CACNA1E: variants seen among roughly 807,000 people sequenced by gnomAD.
CACNA1E encodes the protein voltage-dependent R-type calcium channel subunit alpha-1E.
CACNA1E carries 40 observed loss-of-function variants against 259.2 expected under a neutral mutation model. That is an observed-to-expected ratio of 0.15 (90% CI 0.12 to 0.20). CACNA1E has a LOEUF of 0.20. CACNA1E is among the 10% of genes least tolerant of loss of function. CACNA1E has a pLI of 1.00. For synonymous variants in CACNA1E, 1,104 were observed against 1,138.5 expected, an observed-to-expected ratio of 0.97 and a Z score of 0.61; for missense variants, 1,874 against 3,040.1, an observed-to-expected ratio of 0.62 and a Z score of 9.02.
intron 7 of CACNA1E, among the ~76,000 whole-genome samples, chr1:181,696,910 A>T (rs1455585991): frequency 6.6e-6 from 1 of 152,224 alleles, no homozygotes; most frequent in African/African-American, 2.4e-5. Flanking sequence ...CATTTCTAGT[A>T]ATTACTGTTT....
chr1:181,551,278 GA>G (rs1648117187), intron 3 of CACNA1E, among the ~76,000 whole-genome samples: 1 of 152,168 alleles, frequency 6.6e-6, no homozygotes, highest in South Asian at 2.1e-4. Flanking sequence ...GAAATTGCAG[GA>G]AAAACTGGGC....
chr1:181,507,736 A>AC (rs1665828878), intron 1 of CACNA1E, among the ~76,000 whole-genome samples: 1 of 152,068 alleles, frequency 6.6e-6, no homozygotes, highest in Admixed American at 6.5e-5. Flanking sequence ...ACAATCATAG[A>AC]CCCCACATAG....
At chr1:181,664,151 A>G (rs1647966594) in intron 7 of CACNA1E, among the ~76,000 whole-genome samples, 1 of 152,230 alleles carries the variant, frequency 6.6e-6, no homozygotes, top group African/African-American at 2.4e-5. Context: ...GGCAAGTGAC[A>G]TGCCCTAAAT....
In CACNA1E at chr1:181,577,182, A is replaced by T. The variant is rs548878775; in HGVS notation, c.513-584A>T. Among the ~76,000 whole-genome samples the T allele has an allele frequency of 3.9e-5, 6 of 152,344 alleles. No individual in the cohort carries two copies. The South Asian group carries it at 1.2e-3, about 32-fold the overall frequency. On this transcript the variant is annotated intron_variant, in intron 3 of 47. Transcript: ENST00000367573. ...AACATGGAAAAATAGGAAGAAATCC[A>T]ATTAGGGTCAAAGAGTGGTTTGTGC...
At chr1:181,592,734 C>A (rs907291640) in intron 6 of CACNA1E, among the ~76,000 whole-genome samples, 1 of 152,026 alleles carries the variant, frequency 6.6e-6, no homozygotes, top group Non-Finnish European at 1.5e-5. Context: ...GATGCTTGAC[C>A]AAGGACAGCC....
chr1:181,404,563 CAG>C (rs1657332681), intron 1 of CACNA1E, among the ~76,000 whole-genome samples: 1 of 152,162 alleles, frequency 6.6e-6, no homozygotes, highest in African/African-American at 2.4e-5. Context: ...AAACAGAAGT[CAG>C]AGGGCACAGA....
chr1:181,345,635 C>T (rs1272881548), intron 1 of CACNA1E, among the ~76,000 whole-genome samples: 1 of 152,190 alleles, frequency 6.6e-6, no homozygotes, highest in African/African-American at 2.4e-5. Context: ...CAAGTTTGGG[C>T]TTCTCAGTGG....
At chr1:181,790,592 C>T in intron 44 of CACNA1E, 36 bp downstream of exon 44, 6 of 1,214,022 alleles carry the variant, frequency 4.9e-6, no homozygotes, top group Non-Finnish European at 7.4e-6. Context: ...AAAACTACTT[C>T]CTTGGTTTCC....
chr1:181,733,531 G>A lies in CACNA1E; in HGVS notation c.3043G>A (p.Val1015Met), dbSNP rs752933331. 3 of 1,611,794 alleles carry A rather than the reference G, an allele frequency of 1.9e-6. No homozygotes were observed. The change falls in exon 21 of 48, where the codon GTG becomes ATG. Residue 1015 changes from valine to methionine, a missense_variant. Physicochemically the swap from Val to Met is conservative, Grantham distance 21 (BLOSUM62 1). Coordinates refer to ENST00000367573, the MANE Select transcript of CACNA1E (RefSeq NM_001205293.3). ...PLVLPHPELE[V>M]GKHVVLTEQE... ...AGTCCTGCCCCATCCTGAGCTGGAA[G>A]TGGGGAAGCACGTGGTGCTGACGGA...
chr1:181,325,209 T>A (rs889761223), intron 1 of CACNA1E, among the ~76,000 whole-genome samples: 2 of 152,186 alleles, frequency 1.3e-5, no homozygotes, highest in Non-Finnish European at 2.9e-5. Context: ...TGTGAATCAC[T>A]CAACTTCTAG....
At chr1:181,684,424 G>T (rs1277159264) in intron 7 of CACNA1E, among the ~76,000 whole-genome samples, 1 of 152,092 alleles carries the variant, frequency 6.6e-6, no homozygotes, top group Non-Finnish European at 1.5e-5. Context: ...CCACTCTGTA[G>T]GTTGTCTGTT....
At chr1:181,689,865 C>T (rs1486535322) in intron 7 of CACNA1E, among the ~76,000 whole-genome samples, 2 of 151,780 alleles carry the variant, frequency 1.3e-5, no homozygotes, top group East Asian at 1.9e-4. Context: ...TTTGTAGATT[C>T]TGGATATTAG....
chr1:181,330,767 G>T (rs958109778), intron 1 of CACNA1E, among the ~76,000 whole-genome samples: 4 of 152,190 alleles, frequency 2.6e-5, no homozygotes, highest in Admixed American at 6.5e-5. Flanking sequence ...CTGGGTCCTA[G>T]CTCTCCCAAT....
intron 1 of CACNA1E, among the ~76,000 whole-genome samples, chr1:181,338,478 A>T (rs2102623669): frequency 6.8e-6 from 1 of 148,008 alleles, no homozygotes; most frequent in South Asian, 2.1e-4. Context: ...TTCTTTGGAA[A>T]AATGTCTATT....
chr1:181,427,413 C>G (rs1659369974), intron 2 of CACNA1E, among the ~76,000 whole-genome samples: 1 of 148,666 alleles, frequency 6.7e-6, no homozygotes, highest in African/African-American at 2.5e-5. Flanking sequence ...CATCTCAACC[C>G]CCTCCACCTC....
At chr1:181,689,806 G>A (rs1281739783) in intron 7 of CACNA1E, among the ~76,000 whole-genome samples, 1 of 151,788 alleles carries the variant, frequency 6.6e-6, no homozygotes, top group African/African-American at 2.4e-5. Flanking sequence ...ATATCCTTTG[G>A]TCATTTTTTT....
chr1:181,733,351 C>T, intron 20 of CACNA1E, 86 bp from the exon 21 acceptor site: 1 of 1,226,364 alleles, frequency 8.2e-7, no homozygotes, highest in East Asian at 2.5e-5. Flanking sequence ...GCTGCCTGAG[C>T]TTCCCCGCCT....
At chr1:181,435,609 T>C (rs2102271239) in intron 2 of CACNA1E, among the ~76,000 whole-genome samples, 1 of 152,338 alleles carries the variant, frequency 6.6e-6, no homozygotes, top group South Asian at 2.1e-4. Context: ...TTGTAATTAC[T>C]TATTTGCCAG....
At chr1:181,741,892 G>A (rs997607754) in intron 25 of CACNA1E, among the ~76,000 whole-genome samples, 1 of 152,200 alleles carries the variant, frequency 6.6e-6, no homozygotes, top group African/African-American at 2.4e-5. Flanking sequence ...CCACACTTAT[G>A]TGATGTATTG....
Sources: gnomAD v4.1 joint callset for allele counts (sites outside exome capture counted in the v4.1 genomes callset) on GRCh38, gnomAD v4.1.1 for gene constraint, MANE v1.5 for transcripts, NCBI Gene and HGNC (gene_info 2026-07-23, HGNC 2026-07-21) for gene names.